Variants in ANKS1B observed in about 807,000 individuals in gnomAD.
ANKS1B encodes ankyrin repeat and sterile alpha motif domain containing 1B, also known as ankyrin repeat and sterile alpha motif domain-containing protein 1B.
In ANKS1B, 36 loss-of-function variants were observed where a neutral mutation model predicts 148.3. The ratio of observed to expected loss-of-function variants is 0.24; its 90% CI spans 0.19 to 0.32. The LOEUF (loss-of-function observed/expected upper bound fraction) is 0.32, where lower values mean the gene tolerates loss of function less well. Among genes scored for constraint, ANKS1B ranks in the 10% least tolerant of loss-of-function variants. The pLI is 1.00. For synonymous variants in ANKS1B, 542 were observed against 560.8 expected, an observed-to-expected ratio of 0.97 and a Z score of 0.47; for missense variants, 1,157 against 1,542.6, an observed-to-expected ratio of 0.75 and a Z score of 4.19.
chr12:99,581,423 T>C (rs1229520177), intron 9 of ANKS1B, among the ~76,000 whole-genome samples: 1 of 152,188 alleles, frequency 6.6e-6, no homozygotes, highest in Non-Finnish European at 1.5e-5. Context: ...AAAATAGACT[T>C]AAATGTAGGC....
At chr12:99,221,085 A>G (rs1381409660) in intron 14 of ANKS1B, among the ~76,000 whole-genome samples, 1 of 152,126 alleles carries the variant, frequency 6.6e-6, no homozygotes, top group Middle Eastern at 3.2e-3. Context: ...CACGCCTTTA[A>G]TCCCAGCACC....
intron 8 of ANKS1B, among the ~76,000 whole-genome samples, chr12:99,708,067 G>T (rs578248708): frequency 1.3e-5 from 2 of 152,232 alleles, no homozygotes; most frequent in South Asian, 4.1e-4. Context: ...GTTTCTTCCA[G>T]CTGTCACAAT....
intron 17 of ANKS1B, among the ~76,000 whole-genome samples, chr12:98,937,640 C>T (rs2099820022): frequency 6.6e-6 from 1 of 152,236 alleles, no homozygotes; most frequent in South Asian, 2.1e-4. Flanking sequence ...CAGATCACTC[C>T]TTCCTTGGGC....
intron 17 of ANKS1B, among the ~76,000 whole-genome samples, chr12:98,990,192 C>T (rs1185536471): frequency 6.6e-6 from 1 of 152,020 alleles, no homozygotes; most frequent in African/African-American, 2.4e-5. Flanking sequence ...TTTCTTTCAT[C>T]AGTGTTTTAT....
At chr12:99,625,956 G>T (rs756859582) in intron 9 of ANKS1B, among the ~76,000 whole-genome samples, 6 of 152,046 alleles carry the variant, frequency 3.9e-5, no homozygotes, top group Non-Finnish European at 8.8e-5. Flanking sequence ...TCTATGCTTT[G>T]GTCTGCCACA....
chr12:99,193,934 C>CT (rs1358965216), intron 14 of ANKS1B, among the ~76,000 whole-genome samples: 1 of 150,602 alleles, frequency 6.6e-6, no homozygotes, highest in Non-Finnish European at 1.5e-5. Context: ...CCTGAGTAGC[C>CT]GGGACTATAG....
chr12:99,182,513 G>T (rs1213506613), intron 14 of ANKS1B, among the ~76,000 whole-genome samples: 1 of 152,020 alleles, frequency 6.6e-6, no homozygotes, highest in Non-Finnish European at 1.5e-5. Flanking sequence ...TTTTATGGCT[G>T]AATAGTACTC....
In ANKS1B at chr12:99,345,821, T is replaced by C. The variant is rs564724429; in HGVS notation, c.1756+53810A>G. On this transcript the variant is annotated intron_variant, in intron 12 of 26. Coordinates refer to ENST00000683438, the MANE Select transcript of ANKS1B (RefSeq NM_001352186.2). ...TCACCTGCGGAGCTGAGCCAAATGC[T>C]GTGGTTGGTACCCAGCCTGAGCCTA... 1.2e-4 allele frequency among the ~76,000 whole-genome samples: 18 copies of C among 152,090 alleles called. No homozygotes were observed. The East Asian group carries it at 3.3e-3, about 28-fold the overall frequency.
chr12:99,154,412 A>T lies in ANKS1B; in HGVS notation c.2420-17T>A, dbSNP rs1445468610. ...ATCTGGGTCCTGTAAGAGGATGAAG[A>T]GGGAAGCGTTTAAGCAGGGAGTAGC... On this transcript the variant is annotated splice_polypyrimidine_tract_variant and intron_variant, in intron 14 of 26. Transcript: ENST00000683438. 10 of 1,613,776 alleles carry T rather than the reference A, an allele frequency of 6.2e-6. No homozygotes were observed. Among genetic ancestry groups the T allele is most frequent in the Non-Finnish European group, 8.5e-6 (10 of 1,179,744 alleles).
At chr12:99,434,069 A>C (rs2095421444) in intron 11 of ANKS1B, among the ~76,000 whole-genome samples, 1 of 152,146 alleles carries the variant, frequency 6.6e-6, no homozygotes, top group African/African-American at 2.4e-5. Flanking sequence ...AAATTCCAGA[A>C]TTTTAGAACA....
intron 14 of ANKS1B, among the ~76,000 whole-genome samples, chr12:99,196,630 T>C (rs2081417007): frequency 2.0e-5 from 3 of 152,014 alleles, no homozygotes. Context: ...TTTTAAATTT[T>C]ATTATTATTA....
At chr12:99,386,994 G>C (rs1374552353) in intron 12 of ANKS1B, among the ~76,000 whole-genome samples, 1 of 152,188 alleles carries the variant, frequency 6.6e-6, no homozygotes, top group African/African-American at 2.4e-5. Context: ...CCTATTATAA[G>C]GTCAGTCATC....
At chr12:99,014,506 A>G (rs1252203013) in intron 17 of ANKS1B, among the ~76,000 whole-genome samples, 1 of 152,262 alleles carries the variant, frequency 6.6e-6, no homozygotes, top group Non-Finnish European at 1.5e-5. Flanking sequence ...TTGCAACAAA[A>G]GCAAAAATTG....
rs12297745 is a variant in ANKS1B at position 99,909,494 on chromosome 12, C to T, written c.134+74610G>A. Among the ~76,000 whole-genome samples, 814 of 152,198 alleles carry T rather than the reference C, an allele frequency of 5.3e-3. 11 individuals are homozygous for T. Among genetic ancestry groups the T allele is most frequent in the African/African-American group, 0.018 (759 of 41,524 alleles). ...TCCACTCAGTTTTCCATAGTGGCTG[C>T]ACTAATTTACATACAAAAGTTTCCT... On this transcript the variant is annotated intron_variant, in intron 1 of 26. Coordinates refer to ENST00000683438, the MANE Select transcript of ANKS1B (RefSeq NM_001352186.2).
intron 1 of ANKS1B, among the ~76,000 whole-genome samples, chr12:99,962,382 C>T (rs2095424857): frequency 6.6e-6 from 1 of 152,132 alleles, no homozygotes; most frequent in Admixed American, 6.5e-5. Flanking sequence ...TGATCTCATT[C>T]CTTTTTATTT....
chr12:99,195,573 T>C (rs1221833044), intron 14 of ANKS1B, among the ~76,000 whole-genome samples: 3 of 152,060 alleles, frequency 2.0e-5, no homozygotes, highest in Non-Finnish European at 4.4e-5. Flanking sequence ...AAGTAGAATG[T>C]AGGGCAAATT....
At chr12:98,884,286 A>G (rs1016436673) in intron 17 of ANKS1B, among the ~76,000 whole-genome samples, 6 of 152,150 alleles carry the variant, frequency 3.9e-5, no homozygotes, top group African/African-American at 1.4e-4. Flanking sequence ...TTAACCTGTT[A>G]TTTTTATTTT....
At chr12:99,502,394 A>G (rs139676567) in intron 10 of ANKS1B, among the ~76,000 whole-genome samples, 2 of 152,246 alleles carry the variant, frequency 1.3e-5, no homozygotes, top group East Asian at 3.9e-4. Flanking sequence ...CCAAACTCTG[A>G]TGCTCATCTG....
intron 14 of ANKS1B, among the ~76,000 whole-genome samples, chr12:99,204,712 A>G (rs190901412): frequency 6.6e-5 from 10 of 152,300 alleles, no homozygotes; most frequent in Admixed American, 2.6e-4. Context: ...AGATGCTGGA[A>G]GGGTTTGCAT....
Sources: allele counts gnomAD v4.1 joint callset (sites outside exome capture counted in the v4.1 genomes callset), GRCh38; gene constraint gnomAD v4.1.1; transcripts MANE v1.5; gene names NCBI Gene and HGNC (gene_info 2026-07-23, HGNC 2026-07-21).